Variants in TCF4 observed in about 807,000 individuals in gnomAD.
TCF4 encodes SL3-3 enhancer factor 2.
In TCF4, 3 loss-of-function variants were observed where a neutral mutation model predicts 82.1. That is an observed-to-expected ratio of 0.04 (90% CI 0.02 to 0.09). The LOEUF (loss-of-function observed/expected upper bound fraction) is 0.09. Among genes scored for constraint, TCF4 ranks in the 10% least tolerant of loss-of-function variants. TCF4 has a pLI of 1.00. For synonymous variants in TCF4, 276 were observed against 309.6 expected, an observed-to-expected ratio of 0.89 and a Z score of 1.14; for missense variants, 518 against 852.7, an observed-to-expected ratio of 0.61 and a Z score of 4.89.
intron 6 of TCF4, among the ~76,000 whole-genome samples, chr18:55,361,870 C>T (rs553474589): frequency 1.3e-5 from 2 of 152,344 alleles, no homozygotes; most frequent in African/African-American, 4.8e-5. Context: ...GGGGATTCTA[C>T]TAATACTGCT....
intron 5 of TCF4, among the ~76,000 whole-genome samples, chr18:55,411,158 A>G (rs2094329186): frequency 6.6e-6 from 1 of 152,192 alleles, no homozygotes; most frequent in Non-Finnish European, 1.5e-5. Context: ...TAAGGCCACT[A>G]AAGTACCACT....
intron 17 of TCF4, chr18:55,232,227 G>A (rs557069414): frequency 1.4e-4 from 52 of 365,046 alleles, no homozygotes; most frequent in South Asian, 1.1e-3. Context: ...TGTAGAATAA[G>A]TATAGTTTTA....
At chr18:55,279,439 C>T (rs2062086315) in intron 9 of TCF4, 112 bp downstream of exon 9, 5 of 1,519,134 alleles carry the variant, frequency 3.3e-6, no homozygotes, top group Non-Finnish European at 4.5e-6. Context: ...AGCATGACTT[C>T]AAAAATTCTA....
chr18:55,341,445 G>A (rs1406414522), intron 8 of TCF4, among the ~76,000 whole-genome samples: 2 of 152,138 alleles, frequency 1.3e-5, no homozygotes, highest in African/African-American at 4.8e-5. Context: ...CTTTGATAAA[G>A]GTTTGTTATC....
At chr18:55,387,888 C>A (rs1020786548) in intron 6 of TCF4, among the ~76,000 whole-genome samples, 2 of 152,154 alleles carry the variant, frequency 1.3e-5, no homozygotes, top group Non-Finnish European at 2.9e-5. Flanking sequence ...ACAAAGACAT[C>A]AAAGGAAAAC....
At chr18:55,313,702 C>T (rs1484622253) in intron 8 of TCF4, among the ~76,000 whole-genome samples, 1 of 152,084 alleles carries the variant, frequency 6.6e-6, no homozygotes, top group Non-Finnish European at 1.5e-5. Flanking sequence ...GCCACCTATG[C>T]TCCAGGGGAG....
chr18:55,589,753 T>C, upstream of TCF4: 2 of 1,017,632 alleles, frequency 2.0e-6, no homozygotes, highest in Non-Finnish European at 2.4e-6. Flanking sequence ...TAATAATAGG[T>C]TTCCCTGAAA....
At chr18:55,318,353 CTT>C (rs1169290929) in intron 8 of TCF4, among the ~76,000 whole-genome samples, 4 of 151,978 alleles carry the variant, frequency 2.6e-5, no homozygotes, top group African/African-American at 9.7e-5. Context: ...CATTGGCACA[CTT>C]TGATACAAGC....
intron 6 of TCF4, among the ~76,000 whole-genome samples, chr18:55,390,962 G>C (rs898189588): frequency 6.6e-6 from 1 of 152,236 alleles, no homozygotes; most frequent in Non-Finnish European, 1.5e-5. Context: ...GTGGTCGCTA[G>C]TTGGGAGTAG....
intron 1 of TCF4, among the ~76,000 whole-genome samples, chr18:55,634,992 T>G (rs1324746333): frequency 6.6e-6 from 1 of 152,136 alleles, no homozygotes; most frequent in Non-Finnish European, 1.5e-5. Context: ...CAGCATGACA[T>G]CCAAATGGAG....
intron 5 of TCF4, among the ~76,000 whole-genome samples, chr18:55,413,170 T>C (rs1603451030): frequency 6.6e-6 from 1 of 152,096 alleles, no homozygotes; most frequent in Non-Finnish European, 1.5e-5. Flanking sequence ...TAGATATGTA[T>C]AATACATACA....
At chr18:55,624,686 G>A (rs1280616258) in intron 2 of TCF4, among the ~76,000 whole-genome samples, 1 of 151,732 alleles carries the variant, frequency 6.6e-6, no homozygotes, top group African/African-American at 2.4e-5. Flanking sequence ...ACCTGTGCAA[G>A]TTTCTACATT....
intron 3 of TCF4, among the ~76,000 whole-genome samples, chr18:55,544,291 G>C (rs1044042126): frequency 2.6e-5 from 4 of 152,152 alleles, no homozygotes; most frequent in Non-Finnish European, 5.9e-5. Context: ...GTGTGCAAGA[G>C]CTGTTTTAAG....
At chr18:55,398,264 A>C (rs959252853) in intron 6 of TCF4, among the ~76,000 whole-genome samples, 9 of 152,332 alleles carry the variant, frequency 5.9e-5, no homozygotes, top group African/African-American at 2.2e-4. Flanking sequence ...CCCGAAAAAT[A>C]CCGCTCAGGG....
intron 3 of TCF4, among the ~76,000 whole-genome samples, chr18:55,585,064 A>T (rs188406165): frequency 6.6e-6 from 1 of 152,302 alleles, no homozygotes; most frequent in Admixed American, 6.5e-5. Context: ...GAATTTTGAG[A>T]GAGTTTCCTT....
At chr18:55,451,319 A>T (rs1250023753) in intron 5 of TCF4, among the ~76,000 whole-genome samples, 2 of 152,184 alleles carry the variant, frequency 1.3e-5, no homozygotes, top group African/African-American at 4.8e-5. Flanking sequence ...TCACATCACC[A>T]CATCTTTCTC....
rs181243578 is a variant in TCF4, at chr18:55,514,983, C to T, written c.146-50846G>A. 1.1e-3 allele frequency among the ~76,000 whole-genome samples: 172 copies of T among 152,234 alleles called. 1 individual carries two copies. The highest frequency in any genetic ancestry group is 5.4e-4 in the Non-Finnish European group (37 of 68,006). On this transcript the variant is annotated intron_variant, in intron 3 of 19. Transcript: ENST00000354452. ...ATGCTAAGCAATTAATAAACATGCT[C>T]ATTTGATCCTGCCCCACTCTATAAA...
At chr18:55,534,867 CTG>C (rs1432330092) in intron 3 of TCF4, among the ~76,000 whole-genome samples, 11 of 152,204 alleles carry the variant, frequency 7.2e-5, no homozygotes, top group Non-Finnish European at 1.2e-4. Context: ...CACTACATGA[CTG>C]TGAGCATGCC....
intron 8 of TCF4, among the ~76,000 whole-genome samples, chr18:55,304,576 T>C (rs918632057): frequency 5.3e-5 from 8 of 152,166 alleles, no homozygotes; most frequent in African/African-American, 1.9e-4. Flanking sequence ...CCATTTACGA[T>C]TGCATGAGAC....
Sources: allele counts gnomAD v4.1 joint callset (sites outside exome capture counted in the v4.1 genomes callset), GRCh38; gene constraint gnomAD v4.1.1; transcripts MANE v1.5; gene names NCBI Gene and HGNC (gene_info 2026-07-23, HGNC 2026-07-21).